Variants in EIF4E1B observed in about 807,000 individuals in gnomAD.
The protein encoded by EIF4E1B is eukaryotic translation initiation factor 4E type 1B.
EIF4E1B carries 22 observed loss-of-function variants against 31.3 expected under a neutral mutation model. That is an observed-to-expected ratio of 0.70 (90% CI 0.50 to 1.00). The LOEUF is 1.00. Among genes scored for constraint, EIF4E1B ranks in the 50% least tolerant of loss-of-function variants. The pLI is 0.00. For synonymous variants in EIF4E1B, 126 were observed against 120.2 expected, an observed-to-expected ratio of 1.05 and a Z score of -0.31; for missense variants, 290 against 311.6, an observed-to-expected ratio of 0.93 and a Z score of 0.52.
chr5:176,645,654 A>C lies in EIF4E1B; in HGVS notation c.614+138A>C. 7.7e-7 allele frequency: 1 copy of C among 1,294,212 alleles called. No individual in the cohort carries two copies. Among genetic ancestry groups the C allele is most frequent in the Non-Finnish European group, 1.0e-6 (1 of 969,162 alleles). The allele number at this position is 1,294,212 out of a possible 1,614,324, so 80.2% of individuals were successfully genotyped here. ...CCTTCTGCCTTGCCCACCTGTATGG[A>C]AGGTCTGGCGTTCAGATTTCTAACT... is the stretch of plus-strand genomic sequence containing the variant. On this transcript the variant is annotated intron_variant, in intron 8 of 8. Coordinates refer to ENST00000318682, the MANE Select transcript of EIF4E1B (RefSeq NM_001099408.2). The surrounding 1 kb of genome is among the most constrained non-coding windows in gnomAD (Gnocchi z 5.4).
chr5:176,636,661 G>A (rs953660563), intron 1 of EIF4E1B, among the ~76,000 whole-genome samples: 3 of 152,212 alleles, frequency 2.0e-5, no homozygotes, highest in African/African-American at 7.2e-5. Context: ...CAGGCAGGAC[G>A]GGAAGCTGAG....
intron 1 of EIF4E1B, among the ~76,000 whole-genome samples, chr5:176,633,241 GTTTT>G (rs1250289485): frequency 1.4e-5 from 2 of 142,616 alleles, no homozygotes; most frequent in Non-Finnish European, 3.1e-5. Flanking sequence ...TTGTTTGTTT[GTTTT>G]AAGAGATAAG....
Position 176,645,721 on chromosome 5 carries a change from T to C in EIF4E1B, c.615-145T>C. Reference sequence around the variant, plus strand: ...CAGCTCTCCTTTTGCATTAAGGGGGTCATATTTTGGGTTTCCACATGGGTA... The same window carrying C: ...CAGCTCTCCTTTTGCATTAAGGGGGCCATATTTTGGGTTTCCACATGGGTA... On this transcript the variant is annotated intron_variant, in intron 8 of 8. Coordinates refer to ENST00000318682, the MANE Select transcript of EIF4E1B (RefSeq NM_001099408.2). This position sits in a 1 kb window ranked among gnomAD's most constrained non-coding sequence, Gnocchi z 5.4. 1 of 1,081,212 alleles carries C rather than the reference T, an allele frequency of 9.2e-7. No individual in the cohort carries two copies. The highest frequency in any genetic ancestry group is 1.3e-6 in the Non-Finnish European group (1 of 771,620). The allele number at this position is 1,081,212 out of a possible 1,614,324, so 67.0% of individuals were successfully genotyped here. A position where few individuals can be genotyped will look rare whatever the true frequency, so the allele number is the denominator to read the frequency against.
rs1009197766 is a variant in EIF4E1B at position 176,643,536 on chromosome 5, C to T, written c.201-103C>T. Reference sequence around the variant, plus strand: ...ATGCTGTGCCCCAAATCTCATCTCCCAGTTCGCCCTTGAAGGGGAGGGTCC... The same window carrying T: ...ATGCTGTGCCCCAAATCTCATCTCCTAGTTCGCCCTTGAAGGGGAGGGTCC... On this transcript the variant is annotated intron_variant, in intron 4 of 8. Coordinates refer to ENST00000318682, the MANE Select transcript of EIF4E1B (RefSeq NM_001099408.2). 13 of 1,112,162 alleles carry T rather than the reference C, an allele frequency of 1.2e-5. No individual in the cohort carries two copies. In the African/African-American group the frequency reaches 1.4e-4, roughly 12 times the overall value. 68.9% of individuals were successfully genotyped at this position (1,112,162 alleles called of 1,614,324 possible).
intron 1 of EIF4E1B, among the ~76,000 whole-genome samples, chr5:176,637,332 G>A (rs1760511614): frequency 1.3e-5 from 2 of 152,202 alleles, no homozygotes; most frequent in Non-Finnish European, 1.5e-5. Context: ...CCAGCTACTT[G>A]GGAGGCTGAG....
intron 1 of EIF4E1B, among the ~76,000 whole-genome samples, chr5:176,640,590 C>T (rs900449121): frequency 6.6e-5 from 10 of 152,138 alleles, no homozygotes; most frequent in Non-Finnish European, 1.2e-4. Context: ...GTCACCTGGA[C>T]GACTACATTA....
chr5:176,634,805 G>A (rs1315103364), intron 1 of EIF4E1B, among the ~76,000 whole-genome samples: 2 of 151,654 alleles, frequency 1.3e-5, no homozygotes, highest in African/African-American at 4.9e-5. Flanking sequence ...GAGTAGCTGG[G>A]ATTACAGGCA....
At chr5:176,636,085 A>G (rs1021644523) in intron 1 of EIF4E1B, among the ~76,000 whole-genome samples, 25 of 152,170 alleles carry the variant, frequency 1.6e-4, no homozygotes, top group Admixed American at 1.0e-3. Flanking sequence ...CCAAAGTGCT[A>G]GGATTACAGG....
rs766548962 is a variant in EIF4E1B, at chr5:176,645,842, CCT to C, written c.615-21_615-20del. 6.8e-5 allele frequency: 105 copies of C among 1,543,788 alleles called. No individual in the cohort carries two copies. The highest frequency in any genetic ancestry group is 3.4e-4 in the Middle Eastern group (2 of 5,930). On this transcript the variant is annotated intron_variant, in intron 8 of 8. Coordinates refer to ENST00000318682, the MANE Select transcript of EIF4E1B (RefSeq NM_001099408.2). This position sits in a 1 kb window ranked among gnomAD's most constrained non-coding sequence, Gnocchi z 5.4. ...TCTGATGACTACCTGTGTCTCTTTT[CCT>C]CTGTGTCCCCCGCACCTGCAGGCGT...
chr5:176,645,683 T>C lies in EIF4E1B; in HGVS notation c.614+167T>C, dbSNP rs1760686829. The C allele has an allele frequency of 8.3e-7, 1 of 1,200,596 alleles. No homozygotes were observed. The highest frequency in any genetic ancestry group is 3.0e-5 in the Admixed American group (1 of 33,724). 74.4% of individuals were successfully genotyped at this position (1,200,596 alleles called of 1,614,324 possible). ...TCTGGCGTTCAGATTTCTAACTTTC[T>C]CTTACGGCAGTGCAGCTCTCCTTTT... is the stretch of plus-strand genomic sequence containing the variant. On this transcript the variant is annotated intron_variant, in intron 8 of 8. Coordinates refer to ENST00000318682, the MANE Select transcript of EIF4E1B (RefSeq NM_001099408.2). The surrounding 1 kb of genome is among the most constrained non-coding windows in gnomAD (Gnocchi z 5.4).
intron 2 of EIF4E1B, among the ~76,000 whole-genome samples, 161 bp from the exon 3 acceptor site, chr5:176,642,549 T>A (rs1270653603): frequency 1.3e-5 from 2 of 152,228 alleles, no homozygotes; most frequent in African/African-American, 4.8e-5. Flanking sequence ...CCTGCTCTGA[T>A]GTGAGGTTGG....
At chr5:176,633,449 T>C (rs1253364306) in intron 1 of EIF4E1B, among the ~76,000 whole-genome samples, 1 of 152,174 alleles carries the variant, frequency 6.6e-6, no homozygotes, top group African/African-American at 2.4e-5. Flanking sequence ...TTATTTTTCG[T>C]AGAGACAGGG....
intron 4 of EIF4E1B, among the ~76,000 whole-genome samples, 169 bp downstream of exon 4, chr5:176,643,435 G>C (rs79427245): frequency 6.6e-6 from 1 of 152,178 alleles, no homozygotes; most frequent in Non-Finnish European, 1.5e-5. Context: ...CCCTAACCCC[G>C]CAGAGACTGT....
chr5:176,637,914 C>T (rs1004112568), intron 1 of EIF4E1B, among the ~76,000 whole-genome samples: 9 of 152,108 alleles, frequency 5.9e-5, no homozygotes, highest in African/African-American at 2.2e-4. Flanking sequence ...GGCAGGATGA[C>T]TGTCACTTGG....
chr5:176,643,125 A>AG lies in EIF4E1B; in HGVS notation c.60dup (p.Lys21GlufsTer56), dbSNP rs1267160372. ...GGAATCCGAGAGTGGGAGGAGGAGG[A>AG]GAAGGAGGAGGAGGCAGCAGAGAGG... On this transcript the variant is annotated frameshift_variant, in exon 4 of 9. Coordinates refer to ENST00000318682, the MANE Select transcript of EIF4E1B (RefSeq NM_001099408.2). LOFTEE classifies it high-confidence loss of function. 2 of 1,610,828 alleles carry AG rather than the reference A, an allele frequency of 1.2e-6. No homozygotes were observed. The highest frequency in any genetic ancestry group is 2.7e-5 in the African/African-American group (2 of 72,826).
At chr5:176,634,487 C>T (rs552200950) in intron 1 of EIF4E1B, among the ~76,000 whole-genome samples, 18 of 151,922 alleles carry the variant, frequency 1.2e-4, no homozygotes, top group Non-Finnish European at 2.5e-4. Context: ...TTTCATGAGA[C>T]AGATAACGTA....
Position 176,645,755 on chromosome 5 carries a change from C to T in EIF4E1B, c.615-111C>T, listed in dbSNP as rs1760689251. ...GGGTTTCCACATGGGTAAGACACAA[C>T]AGGTGTGGCTGTGGCCAGAATGAGG... On this transcript the variant is annotated intron_variant, in intron 8 of 8. Coordinates refer to ENST00000318682, the MANE Select transcript of EIF4E1B (RefSeq NM_001099408.2). This position sits in a 1 kb window ranked among gnomAD's most constrained non-coding sequence, Gnocchi z 5.4. 2 of 1,135,918 alleles carry T rather than the reference C, an allele frequency of 1.8e-6. No homozygotes were observed. Among genetic ancestry groups the T allele is most frequent in the Non-Finnish European group, 2.5e-6 (2 of 812,928 alleles). The allele number at this position is 1,135,918 out of a possible 1,614,324, so 70.4% of individuals were successfully genotyped here. A position where few individuals can be genotyped will look rare whatever the true frequency, so the allele number is the denominator to read the frequency against.
At position 176,645,327 on chromosome 5, in the gene EIF4E1B, A is replaced by G. The variant is rs1364950224; in HGVS notation, c.475-50A>G. 6.4e-7 allele frequency: 1 copy of G among 1,561,338 alleles called. No homozygotes were observed. The highest frequency in any genetic ancestry group is 2.3e-5 in the East Asian group (1 of 44,158). ...GCAGTGGTCTCAAGGATGGCAGGCC[A>G]GTCCCTATGTCCCAGCCGGTGATCT... On this transcript the variant is annotated intron_variant, in intron 7 of 8. Transcript: ENST00000318682. This position sits in a 1 kb window ranked among gnomAD's most constrained non-coding sequence, Gnocchi z 5.4.
chr5:176,644,523 G>T, intron 6 of EIF4E1B, 84 bp downstream of exon 6: 2 of 1,360,520 alleles, frequency 1.5e-6, no homozygotes, highest in Admixed American at 2.2e-5. Flanking sequence ...TCCCTCAGAG[G>T]GGTGGGGGTG....
Sources: allele counts gnomAD v4.1 joint callset (sites outside exome capture counted in the v4.1 genomes callset), GRCh38; gene constraint gnomAD v4.1.1; non-coding constraint Gnocchi (gnomAD v3.1); transcripts MANE v1.5; gene names NCBI Gene and HGNC (gene_info 2026-07-23, HGNC 2026-07-21).